The following SSBP3 variants were observed in gnomAD, a reference collection of about 807,000 sequenced individuals.
SSBP3 encodes the protein single stranded DNA binding protein 3.
In SSBP3, 5 loss-of-function variants were observed where a neutral mutation model predicts 69.6. The observed-to-expected ratio is 0.07, with a 90% CI of 0.04 to 0.15. The LOEUF is 0.15. Among genes scored for constraint, SSBP3 ranks in the 10% least tolerant of loss-of-function variants. SSBP3 has a pLI of 1.00. For synonymous variants in SSBP3, 196 were observed against 193.4 expected, an observed-to-expected ratio of 1.01 and a Z score of -0.11; for missense variants, 312 against 534.0, an observed-to-expected ratio of 0.58 and a Z score of 4.10.
At chr1:54,312,651 G>A (rs780613847) in intron 4 of SSBP3, among the ~76,000 whole-genome samples, 3 of 152,154 alleles carry the variant, frequency 2.0e-5, no homozygotes, top group Non-Finnish European at 2.9e-5. Context: ...CCAAAGGAAA[G>A]AGATGACCCC....
chr1:54,238,840 G>A, intron 14 of SSBP3: 1 of 405,514 alleles, frequency 2.5e-6, no homozygotes, highest in South Asian at 2.2e-5. Flanking sequence ...CTACAGCATG[G>A]CGCTTCCCCC....
chr1:54,370,823 G>A (rs1647119982), intron 4 of SSBP3, among the ~76,000 whole-genome samples: 1 of 152,118 alleles, frequency 6.6e-6, no homozygotes, highest in Non-Finnish European at 1.5e-5. Flanking sequence ...TGTGGTGGCT[G>A]TGAGTGGTGG....
chr1:54,397,812 T>C (rs975210053), intron 4 of SSBP3, among the ~76,000 whole-genome samples: 3 of 152,182 alleles, frequency 2.0e-5, no homozygotes, highest in African/African-American at 4.8e-5. Flanking sequence ...CTGGAAATAC[T>C]GTCCATAGCT....
chr1:54,289,137 C>G (rs1476782964), intron 4 of SSBP3, among the ~76,000 whole-genome samples: 1 of 151,624 alleles, frequency 6.6e-6, no homozygotes, highest in African/African-American at 2.4e-5. Flanking sequence ...ATAGCCGGCA[C>G]TTCATTAAAC....
intron 4 of SSBP3, among the ~76,000 whole-genome samples, chr1:54,350,572 C>G (rs1019221723): frequency 6.6e-6 from 1 of 152,200 alleles, no homozygotes; most frequent in African/African-American, 2.4e-5. Context: ...GTGCACAACC[C>G]GGGTTTGGCT....
chr1:54,264,298 A>G (rs1478320482), intron 5 of SSBP3, among the ~76,000 whole-genome samples: 4 of 152,124 alleles, frequency 2.6e-5, no homozygotes, highest in Non-Finnish European at 2.9e-5. Context: ...AGACCTGCCT[A>G]AAAAAACGAA....
intron 7 of SSBP3, 68 bp from the exon 8 acceptor site, chr1:54,251,928 A>AGATG: frequency 3.3e-5 from 43 of 1,314,066 alleles, no homozygotes; most frequent in Non-Finnish European, 3.9e-5. Context: ...ACAGGCATCT[A>AGATG]CCTGTCCCAC....
chr1:54,307,196 C>A (rs143149394), intron 4 of SSBP3, among the ~76,000 whole-genome samples: 3,731 of 152,254 alleles, frequency 0.025, 64 homozygotes, highest in Admixed American at 0.037. Flanking sequence ...CAGCTGCCCC[C>A]AGTTATGGCC....
chr1:54,350,924 C>A (rs528372757), intron 4 of SSBP3, among the ~76,000 whole-genome samples: 3 of 152,200 alleles, frequency 2.0e-5, no homozygotes, highest in Admixed American at 2.0e-4. Context: ...CTCCTGGACT[C>A]AGCAATCCTC....
chr1:54,231,226 A>G (rs1570182189), intron 14 of SSBP3, among the ~76,000 whole-genome samples: 1 of 152,326 alleles, frequency 6.6e-6, no homozygotes, highest in Admixed American at 6.5e-5. Flanking sequence ...TTTTTACTAC[A>G]GCCGTCCTAG....
intron 4 of SSBP3, among the ~76,000 whole-genome samples, chr1:54,288,590 G>C (rs1031653661): frequency 8.4e-5 from 12 of 143,566 alleles, no homozygotes; most frequent in Middle Eastern, 3.5e-3. Context: ...CAGGGGTGGG[G>C]GGGGGGAGGG....
chr1:54,250,608 C>A (rs1400151826), intron 9 of SSBP3, among the ~76,000 whole-genome samples: 1 of 152,152 alleles, frequency 6.6e-6, no homozygotes, highest in Non-Finnish European at 1.5e-5. Flanking sequence ...AGCCTGAACA[C>A]CTGCACGCAA....
At chr1:54,264,840 C>T (rs750275669) in intron 5 of SSBP3, among the ~76,000 whole-genome samples, 33 of 152,218 alleles carry the variant, frequency 2.2e-4, no homozygotes, top group South Asian at 4.1e-4. Context: ...CACACATCCT[C>T]GTCCCTCCTG....
At chr1:54,305,141 G>A (rs547162123) in intron 4 of SSBP3, among the ~76,000 whole-genome samples, 4 of 152,266 alleles carry the variant, frequency 2.6e-5, no homozygotes, top group East Asian at 1.9e-4. Context: ...CTTTGCCATC[G>A]CTAGCTGAGC....
chr1:54,338,581 G>A (rs1430353470), intron 4 of SSBP3, among the ~76,000 whole-genome samples: 1 of 152,080 alleles, frequency 6.6e-6, no homozygotes, highest in Non-Finnish European at 1.5e-5. Flanking sequence ...GCGTCCATTT[G>A]CCTTTACGGC....
At chr1:54,401,262 A>G (rs1649270061) in intron 4 of SSBP3, among the ~76,000 whole-genome samples, 1 of 152,220 alleles carries the variant, frequency 6.6e-6, no homozygotes, top group African/African-American at 2.4e-5. Flanking sequence ...AGAAAGAACT[A>G]CAATCTGATG....
intron 4 of SSBP3, among the ~76,000 whole-genome samples, chr1:54,361,806 G>A (rs1410508903): frequency 1.3e-5 from 2 of 152,080 alleles, no homozygotes; most frequent in African/African-American, 2.4e-5. Flanking sequence ...CCACCACCAC[G>A]ATGATACTAC....
At chr1:54,312,230 GT>G (rs762612700) in intron 4 of SSBP3, among the ~76,000 whole-genome samples, 5 of 151,698 alleles carry the variant, frequency 3.3e-5, no homozygotes, top group Admixed American at 6.6e-5. Context: ...TGAGGTTACA[GT>G]GAGATATGGA....
At chr1:54,368,834 CACTT>C (rs766817042) in intron 4 of SSBP3, among the ~76,000 whole-genome samples, 1 of 152,180 alleles carries the variant, frequency 6.6e-6, no homozygotes, top group Non-Finnish European at 1.5e-5. Flanking sequence ...CCGTGGCTCT[CACTT>C]ACTAGGGAAT....
Sources: gnomAD v4.1 joint callset for allele counts (sites outside exome capture counted in the v4.1 genomes callset) on GRCh38, gnomAD v4.1.1 for gene constraint, MANE v1.5 for transcripts, NCBI Gene and HGNC (gene_info 2026-07-23, HGNC 2026-07-21) for gene names.